TC2N: variants seen among roughly 807,000 people sequenced by gnomAD.
The protein encoded by TC2N is tandem C2 domains nuclear protein.
TC2N carries 51 observed loss-of-function variants against 61.9 expected under a neutral mutation model. That is an observed-to-expected ratio of 0.82 (90% CI 0.66 to 1.04). The LOEUF (loss-of-function observed/expected upper bound fraction) is 1.04. Ranked by LOEUF, TC2N falls within the 50% of genes least tolerant of loss-of-function variation. TC2N has a pLI of 0.00. For synonymous variants in TC2N, 204 were observed against 192.6 expected (o/e 1.06, Z -0.49); for missense variants, 556 against 566.7 (o/e 0.98, Z 0.19).
Position 91,796,714 on chromosome 14 carries a change from G to A in TC2N, c.855+1071C>T, listed in dbSNP as rs1023146875. ...GCTGGCCATCACAGTAGCTGGAAGA[G>A]AGGCATAGAACAGATTCTCCCTCAG... On this transcript the variant is annotated intron_variant, in intron 8 of 11. Transcript: ENST00000435962. 2.6e-4 allele frequency among the ~76,000 whole-genome samples: 39 copies of A among 152,142 alleles called. 3 individuals carry two copies. The highest frequency in any genetic ancestry group is 2.9e-5 in the Non-Finnish European group (2 of 67,988).
chr14:91,812,513 G>T lies in TC2N; in HGVS notation c.100C>A (p.Pro34Thr). The change falls in exon 3 of 12, where the codon CCA becomes ACA. Residue 34 changes from proline to threonine, a missense_variant. Pro to Thr is a conservative substitution (Grantham distance 38). Transcript: ENST00000435962. ...SVERDFKAAV[P>T]NSQNATISVP... ...GAGATAGTAGCATTTTGACTATTTGGGACTGCTGCTTTAAAATCTCTTTCC... is the reference window on the plus strand; with the variant it reads ...GAGATAGTAGCATTTTGACTATTTGTGACTGCTGCTTTAAAATCTCTTTCC... 1 of 1,591,798 alleles carries T rather than the reference G, an allele frequency of 6.3e-7. No homozygotes were observed. The highest frequency in any genetic ancestry group is 8.6e-7 in the Non-Finnish European group (1 of 1,165,294).
At chr14:91,850,930 T>TG (rs938664305) in intron 1 of TC2N, among the ~76,000 whole-genome samples, 5 of 151,934 alleles carry the variant, frequency 3.3e-5, no homozygotes, top group Non-Finnish European at 1.5e-5. Flanking sequence ...GACTCCATCT[T>TG]GGAAAAAAAA....
chr14:91,791,965 A>T (rs1885678233), intron 9 of TC2N, among the ~76,000 whole-genome samples: 1 of 152,000 alleles, frequency 6.6e-6, no homozygotes, highest in African/African-American at 2.4e-5. Flanking sequence ...AAATACAAAA[A>T]AAAATTAGCC....
intron 1 of TC2N, among the ~76,000 whole-genome samples, chr14:91,831,489 T>C (rs919624466): frequency 6.6e-6 from 1 of 152,232 alleles, no homozygotes; most frequent in Non-Finnish European, 1.5e-5. Context: ...CAAGGTTCTT[T>C]AAACAGCTAA....
At chr14:91,851,798 T>G (rs192183881) in intron 1 of TC2N, among the ~76,000 whole-genome samples, 35 of 152,352 alleles carry the variant, frequency 2.3e-4, no homozygotes, top group Non-Finnish European at 3.8e-4. Flanking sequence ...CCAATGTTTA[T>G]CCTGGATCAT....
intron 1 of TC2N, among the ~76,000 whole-genome samples, chr14:91,847,653 G>A (rs530922306): frequency 9.9e-4 from 151 of 152,280 alleles, no homozygotes; most frequent in African/African-American, 3.5e-3. Context: ...GATCCCCCTG[G>A]TCCTGGCTAA....
chr14:91,810,565 G>GA (rs1480974616), intron 3 of TC2N, among the ~76,000 whole-genome samples: 5 of 151,818 alleles, frequency 3.3e-5, no homozygotes, highest in Non-Finnish European at 5.9e-5. Flanking sequence ...CTATTTTCAA[G>GA]AAAAAAGACA....
intron 1 of TC2N, among the ~76,000 whole-genome samples, chr14:91,838,978 T>C: frequency 6.6e-6 from 1 of 152,328 alleles, no homozygotes. Flanking sequence ...TGTTTATTTT[T>C]TAATTTAGCA....
intron 1 of TC2N, chr14:91,836,105 G>C (rs965588019): frequency 2.6e-5 from 4 of 152,534 alleles, no homozygotes; most frequent in Non-Finnish European, 4.4e-5. Context: ...CTGAGGAGAC[G>C]TGGGAACAGC....
chr14:91,821,187 A>C (rs938498841), intron 1 of TC2N, among the ~76,000 whole-genome samples: 9 of 152,074 alleles, frequency 5.9e-5, no homozygotes, highest in Non-Finnish European at 1.3e-4. Flanking sequence ...TTGGGGAAAA[A>C]AAAAGAACAA....
chr14:91,792,511 A>AT lies in TC2N; in HGVS notation c.902dup (p.Asn301LysfsTer10). Reference sequence around the variant, plus strand: ...TAAATACAAGTCTTACAGTTTGTAGATTTTGAAGTTTAATAGCAAATACAA... The same window carrying AT: ...TAAATACAAGTCTTACAGTTTGTAGATTTTTGAAGTTTAATAGCAAATACAA... On this transcript the variant is annotated frameshift_variant, in exon 9 of 12. Coordinates refer to ENST00000435962, the MANE Select transcript of TC2N (RefSeq NM_001128596.3). LOFTEE classifies it high-confidence loss of function. 1.3e-6 allele frequency: 2 copies of AT among 1,599,082 alleles called. No individual in the cohort carries two copies.
intron 3 of TC2N, among the ~76,000 whole-genome samples, chr14:91,802,781 A>C (rs1722369983): frequency 1.3e-5 from 2 of 152,180 alleles, no homozygotes; most frequent in African/African-American, 4.8e-5. Context: ...AAGACGTAGA[A>C]CATTTATTAA....
At chr14:91,845,269 A>G (rs143590781) in intron 1 of TC2N, among the ~76,000 whole-genome samples, 2,157 of 138,892 alleles carry the variant, frequency 0.016, 67 homozygotes, top group African/African-American at 0.052. Context: ...ATAAATAAAT[A>G]AATATGTTTA....
At chr14:91,841,861 A>C (rs1425707556) in intron 1 of TC2N, among the ~76,000 whole-genome samples, 2 of 152,134 alleles carry the variant, frequency 1.3e-5, no homozygotes, top group African/African-American at 4.8e-5. Context: ...TCCCATTATC[A>C]GTAAGACTCT....
chr14:91,835,845 GA>G (rs1290538728), intron 1 of TC2N, among the ~76,000 whole-genome samples: 1 of 152,202 alleles, frequency 6.6e-6, no homozygotes, highest in Non-Finnish European at 1.5e-5. Context: ...CCAGAGCCCA[GA>G]AACCACCTGG....
chr14:91,804,503 C>G (rs1886413637), intron 3 of TC2N, among the ~76,000 whole-genome samples: 1 of 152,078 alleles, frequency 6.6e-6, no homozygotes, highest in Non-Finnish European at 1.5e-5. Context: ...TTATAATATG[C>G]TACACAGAAA....
intron 4 of TC2N, among the ~76,000 whole-genome samples, chr14:91,801,866 A>G (rs1325072295): frequency 6.6e-6 from 1 of 152,232 alleles, no homozygotes; most frequent in Non-Finnish European, 1.5e-5. Flanking sequence ...TTACAAATGT[A>G]TTACCTCACA....
intron 11 of TC2N, 95 bp downstream of exon 11, chr14:91,785,067 C>T: frequency 7.5e-6 from 6 of 800,944 alleles, no homozygotes; most frequent in Non-Finnish European, 9.9e-6. Flanking sequence ...AAGAACTGTA[C>T]TCTATTTGAC....
At chr14:91,787,041 C>T (rs1189609302) in intron 10 of TC2N, among the ~76,000 whole-genome samples, 1 of 152,178 alleles carries the variant, frequency 6.6e-6, no homozygotes, top group Non-Finnish European at 1.5e-5. Context: ...CTTCTGCCCA[C>T]TCAAATCTCT....
Sources: allele counts gnomAD v4.1 joint callset (sites outside exome capture counted in the v4.1 genomes callset), GRCh38; gene constraint gnomAD v4.1.1; transcripts MANE v1.5; gene names NCBI Gene and HGNC (gene_info 2026-07-23, HGNC 2026-07-21).